Variants in SKAP2 observed in about 807,000 individuals in gnomAD.
SKAP2 encodes the protein src kinase-associated phosphoprotein 2.
A neutral mutation model predicts 54.9 loss-of-function variants in SKAP2; 28 were observed. That is an observed-to-expected ratio of 0.51 (90% CI 0.38 to 0.70). SKAP2 has a LOEUF of 0.70. SKAP2 is among the 30% of genes least tolerant of loss of function. The pLI is 0.00. For missense variants in SKAP2, 356 were observed against 424.1 expected (o/e 0.84, Z 1.41); for synonymous variants, 137 against 134.3 (o/e 1.02, Z -0.14).
At chr7:26,678,707 C>T (rs1786415807) in intron 11 of SKAP2, among the ~76,000 whole-genome samples, 1 of 152,124 alleles carries the variant, frequency 6.6e-6, no homozygotes, top group Non-Finnish European at 1.5e-5. Flanking sequence ...TCCCAAAGTG[C>T]TGGGATTACA....
At chr7:26,800,701 G>C (rs1232445919) in intron 4 of SKAP2, among the ~76,000 whole-genome samples, 1 of 152,096 alleles carries the variant, frequency 6.6e-6, no homozygotes, top group East Asian at 1.9e-4. Context: ...AGGATTGTCA[G>C]TGTCTACACT....
At chr7:26,809,201 G>A (rs1364041804) in intron 4 of SKAP2, among the ~76,000 whole-genome samples, 1 of 152,116 alleles carries the variant, frequency 6.6e-6, no homozygotes, top group East Asian at 1.9e-4. Flanking sequence ...ATCACCTGAG[G>A]TCAGGAGTTT....
chr7:26,724,317 G>C (rs1261669862), intron 9 of SKAP2, among the ~76,000 whole-genome samples: 1 of 152,152 alleles, frequency 6.6e-6, no homozygotes, highest in African/African-American at 2.4e-5. Context: ...GCACTATGCT[G>C]AAAGCCTTCC....
chr7:26,725,058 A>C (rs1420289522), intron 9 of SKAP2, among the ~76,000 whole-genome samples: 6 of 152,124 alleles, frequency 3.9e-5, no homozygotes, highest in Non-Finnish European at 7.4e-5. Flanking sequence ...TGGAAGTTCC[A>C]AGATGTATAA....
At chr7:26,752,846 C>G (rs948923859) in intron 4 of SKAP2, among the ~76,000 whole-genome samples, 1 of 152,172 alleles carries the variant, frequency 6.6e-6, no homozygotes, top group East Asian at 1.9e-4. Flanking sequence ...CAGGACAATT[C>G]CAGCCTGTGA....
the SKAP2 span, among the ~76,000 whole-genome samples, chr7:26,655,608 A>G: frequency 5.3e-5 from 8 of 152,212 alleles, no homozygotes; most frequent in Non-Finnish European, 8.8e-5. Context: ...ACAATGGCTC[A>G]GTAAAGTAAC....
At chr7:26,715,061 T>G (rs1012079296) in intron 9 of SKAP2, among the ~76,000 whole-genome samples, 1 of 152,178 alleles carries the variant, frequency 6.6e-6, no homozygotes. Flanking sequence ...GACCTTCTGG[T>G]ACAGTGTTAG....
At chr7:26,743,960 A>C (rs1782508889) in intron 4 of SKAP2, among the ~76,000 whole-genome samples, 1 of 152,160 alleles carries the variant, frequency 6.6e-6, no homozygotes, top group African/African-American at 2.4e-5. Context: ...AGAATTCTAG[A>C]ATGTGCCTTA....
chr7:26,822,227 T>C (rs1784396823), intron 4 of SKAP2, among the ~76,000 whole-genome samples: 1 of 152,212 alleles, frequency 6.6e-6, no homozygotes, highest in African/African-American at 2.4e-5. Context: ...AGATACTGCA[T>C]TTTTTACAAA....
intron 4 of SKAP2, among the ~76,000 whole-genome samples, chr7:26,802,003 T>C (rs1250117061): frequency 6.6e-6 from 1 of 151,344 alleles, no homozygotes; most frequent in Non-Finnish European, 1.5e-5. Flanking sequence ...GAAAAAAAAA[T>C]CCTCAAATTT....
chr7:26,719,364 T>C (rs1406932257), intron 9 of SKAP2, among the ~76,000 whole-genome samples: 1 of 152,156 alleles, frequency 6.6e-6, no homozygotes, highest in Non-Finnish European at 1.5e-5. Flanking sequence ...TCAATCCTAC[T>C]AGCCTCTTCA....
chr7:26,702,452 C>A (rs1244166586), intron 9 of SKAP2, among the ~76,000 whole-genome samples: 1 of 152,026 alleles, frequency 6.6e-6, no homozygotes, highest in African/African-American at 2.4e-5. Context: ...CATGTTTGAA[C>A]CGTATCTCAA....
chr7:26,767,969 T>A (rs10232697), intron 4 of SKAP2, among the ~76,000 whole-genome samples: 3 of 151,982 alleles, frequency 2.0e-5, no homozygotes, highest in Non-Finnish European at 2.9e-5. Context: ...TATAGATGTC[T>A]TATTAGGTCC....
At chr7:26,674,157 TAA>T (rs150814086) in intron 11 of SKAP2, among the ~76,000 whole-genome samples, 1 of 152,034 alleles carries the variant, frequency 6.6e-6, no homozygotes. Flanking sequence ...TTTGCAATGT[TAA>T]AAAAAATTTG....
intron 9 of SKAP2, among the ~76,000 whole-genome samples, chr7:26,709,974 T>C (rs556494735): frequency 1.1e-4 from 16 of 152,148 alleles, no homozygotes; most frequent in Non-Finnish European, 1.5e-4. Flanking sequence ...TTTAATGAAG[T>C]TATGGGGGAT....
At chr7:26,814,717 TA>T (rs1784228735) in intron 4 of SKAP2, among the ~76,000 whole-genome samples, 1 of 152,136 alleles carries the variant, frequency 6.6e-6, no homozygotes, top group South Asian at 2.1e-4. Flanking sequence ...AAGGGCCTTG[TA>T]AAAGATGTTT....
intron 4 of SKAP2, among the ~76,000 whole-genome samples, chr7:26,843,651 G>A (rs1784861923): frequency 6.6e-6 from 1 of 151,010 alleles, no homozygotes; most frequent in Non-Finnish European, 1.5e-5. Context: ...AAAGTTTTCA[G>A]AAAAAAATAG....
chr7:26,857,128 C>T lies in SKAP2; in HGVS notation c.68-2238G>A, dbSNP rs1785179673. Reference sequence around the variant, plus strand: ...GAAGAATCGGTATTTTTCAAGGATGCCAGAAATTCAGAGATTGGGTATGGT... The same window carrying T: ...GAAGAATCGGTATTTTTCAAGGATGTCAGAAATTCAGAGATTGGGTATGGT... On this transcript the variant is annotated intron_variant, in intron 1 of 12. Coordinates refer to ENST00000345317, the MANE Select transcript of SKAP2 (RefSeq NM_003930.5). Among the ~76,000 whole-genome samples, 3 of 146,328 alleles carry T rather than the reference C, an allele frequency of 2.1e-5. No individual in the cohort carries two copies. The Admixed American group carries it at 2.1e-4, about 10-fold the overall frequency.
In SKAP2 at chr7:26,690,330, CCACTTT is replaced by C. The variant is rs1362999106; in HGVS notation, c.823_828del (p.Lys275_Val276del). 1.2e-6 allele frequency: 2 copies of C among 1,612,304 alleles called. No homozygotes were observed. The highest frequency in any genetic ancestry group is 1.7e-5 in the Admixed American group (1 of 59,976). On this transcript the variant is annotated inframe_deletion, in exon 10 of 13. Transcript: ENST00000345317. Reference sequence around the variant, plus strand: ...TCCTGACTCATCTTCCTTTGTTCTTCCACTTTCACTGGAGCACTGTCCTCTTCTTCT... The same window carrying C: ...TCCTGACTCATCTTCCTTTGTTCTTCCACTGGAGCACTGTCCTCTTCTTCT...
Sources: gnomAD v4.1 joint callset for allele counts (sites outside exome capture counted in the v4.1 genomes callset) on GRCh38, gnomAD v4.1.1 for gene constraint, MANE v1.5 for transcripts, NCBI Gene and HGNC (gene_info 2026-07-23, HGNC 2026-07-21) for gene names.